Variants in UNC79 observed in about 807,000 individuals in gnomAD.
The protein encoded by UNC79 is unc-79 subunit of NALCN channel complex.
UNC79 carries 37 observed loss-of-function variants against 283.1 expected under a neutral mutation model. The observed-to-expected ratio is 0.13, with a 90% CI of 0.10 to 0.17. The LOEUF is 0.17. UNC79 is among the 10% of genes least tolerant of loss of function. UNC79 has a pLI of 1.00. For synonymous variants in UNC79, 1,107 were observed against 1,200.2 expected (o/e 0.92, Z 1.61); for missense variants, 2,272 against 3,211.1 (o/e 0.71, Z 7.07).
upstream of UNC79, among the ~76,000 whole-genome samples, chr14:93,430,022 T>G (rs765848184): frequency 6.6e-6 from 1 of 152,220 alleles, no homozygotes; most frequent in South Asian, 2.1e-4. This position sits in a 1 kb window ranked among gnomAD's most constrained non-coding sequence, Gnocchi z 4.6. Flanking sequence ...GTGGATTCTT[T>G]GGATATCTTC....
intron 11 of UNC79, among the ~76,000 whole-genome samples, chr14:93,535,429 G>T (rs2061021660): frequency 6.6e-6 from 1 of 152,204 alleles, no homozygotes; most frequent in Non-Finnish European, 1.5e-5. Context: ...ATCATATGCA[G>T]TGTATCCAGA....
chr14:93,660,846 T>TC (rs778482041), intron 39 of UNC79, among the ~76,000 whole-genome samples: 3 of 151,956 alleles, frequency 2.0e-5, no homozygotes, highest in Non-Finnish European at 4.4e-5. Flanking sequence ...AGCCTCAGCC[T>TC]CCCAAAGTGC....
chr14:93,536,700 C>T (rs1399149709), intron 11 of UNC79, among the ~76,000 whole-genome samples: 2 of 150,810 alleles, frequency 1.3e-5, no homozygotes, highest in African/African-American at 4.9e-5. Flanking sequence ...ACTTACGATT[C>T]TTAGAACCCT....
chr14:93,538,102 C>T, exon 12 of UNC79: 1 of 1,614,216 alleles, frequency 6.2e-7, no homozygotes, highest in East Asian at 2.2e-5. Context: ...CAAATCATCA[C>T]AGTAATGAAG....
rs569722418 is a variant in UNC79 at position 93,664,165 on chromosome 14, G to A, written c.6636+1451G>A. On this transcript the variant is annotated intron_variant, in intron 40 of 48. Transcript: ENST00000555664. ...AGATAATGAGAAACTATAAGAAATC[G>A]TTTAAAAATAGCAGTAGCTAATTGA... Among the ~76,000 whole-genome samples, 7 of 152,140 alleles carry A rather than the reference G, an allele frequency of 4.6e-5. No homozygotes were observed. In the South Asian group the frequency reaches 8.3e-4, roughly 18 times the overall value.
chr14:93,361,131 G>A (rs1160394037), intron 1 of UNC79, among the ~76,000 whole-genome samples: 9 of 144,870 alleles, frequency 6.2e-5, no homozygotes, highest in Non-Finnish European at 1.0e-4. Flanking sequence ...GGAGAATCAC[G>A]TGAACCTGAG....
At chr14:93,368,029 A>G (rs901522263) in intron 1 of UNC79, among the ~76,000 whole-genome samples, 1 of 152,098 alleles carries the variant, frequency 6.6e-6, no homozygotes, top group Non-Finnish European at 1.5e-5. Context: ...TCACTCCTTA[A>G]TCTTTGTTCC....
chr14:93,600,574 A>C (rs989874730), exon 25 of UNC79: 1 of 1,606,674 alleles, frequency 6.2e-7, no homozygotes. Context: ...CCCAGGGTCT[A>C]TGTCTTTGTC....
intron 12 of UNC79, among the ~76,000 whole-genome samples, chr14:93,539,597 C>T (rs962591708): frequency 1.3e-5 from 2 of 152,048 alleles, no homozygotes; most frequent in African/African-American, 4.8e-5. Flanking sequence ...TTTTCTGTTT[C>T]TCTTATCCCA....
chr14:93,676,410 G>C (rs971846160), intron 41 of UNC79, among the ~76,000 whole-genome samples: 2 of 152,170 alleles, frequency 1.3e-5, no homozygotes, highest in Non-Finnish European at 2.9e-5. Flanking sequence ...TTGGAGGAGA[G>C]GGCAGGTGAA....
At chr14:93,578,745 G>A (rs2063611044) in intron 18 of UNC79, among the ~76,000 whole-genome samples, 1 of 152,120 alleles carries the variant, frequency 6.6e-6, no homozygotes, top group Non-Finnish European at 1.5e-5. Context: ...TCAAAATCAG[G>A]AAATTAATAG....
At chr14:93,540,456 A>G (rs148426225) in intron 12 of UNC79, among the ~76,000 whole-genome samples, 50 of 152,284 alleles carry the variant, frequency 3.3e-4, no homozygotes, top group African/African-American at 1.0e-3. Context: ...ATGGGAATGG[A>G]GTATAAAATA....
intron 1 of UNC79, among the ~76,000 whole-genome samples, chr14:93,371,516 G>C (rs970207289): frequency 6.6e-6 from 1 of 151,996 alleles, no homozygotes; most frequent in African/African-American, 2.4e-5. Flanking sequence ...AACCAGTGGG[G>C]AAAAAAACTT....
rs61196248 is a variant in UNC79 at position 93,348,239 on chromosome 14, C to T, written c.-351+14716C>T. The T allele has an allele frequency of 4.3e-3, 2,791 of 654,932 alleles. 64 individuals carry two copies. In the African/African-American group the frequency reaches 0.044, roughly 10 times the overall value. 40.6% of individuals were successfully genotyped at this position (654,932 alleles called of 1,614,324 possible). ...TGCAACCATTGTGGTATTCACTTTC[C>T]TCATGTTTATGATGAATATTTTGCA... On this transcript the variant is annotated intron_variant, in intron 1 of 49. Coordinates refer to the UNC79 transcript ENST00000256339.
At chr14:93,677,783 G>A (rs2073474405) in intron 41 of UNC79, among the ~76,000 whole-genome samples, 1 of 152,132 alleles carries the variant, frequency 6.6e-6, no homozygotes, top group South Asian at 2.1e-4. Flanking sequence ...CTGAGTAGCT[G>A]GGACTACAGG....
At chr14:93,691,679 C>A in intron 45 of UNC79, 70 bp from the exon 49 acceptor site, 2 of 1,555,750 alleles carry the variant, frequency 1.3e-6, no homozygotes, top group Admixed American at 3.3e-5. Context: ...CAAAGCCATG[C>A]GGGAGGACTC....
chr14:93,333,195 A>C (rs914031781), upstream of UNC79: 3 of 398,064 alleles, frequency 7.5e-6, no homozygotes, highest in Non-Finnish European at 1.3e-5. Flanking sequence ...CGCTGGATCC[A>C]TGGGAGCGGA....
intron 1 of UNC79, among the ~76,000 whole-genome samples, chr14:93,355,416 C>T (rs535571163): frequency 1.3e-5 from 2 of 152,314 alleles, no homozygotes; most frequent in East Asian, 3.9e-4. Context: ...CCAGGCTGGT[C>T]TCGAACACTT....
intron 40 of UNC79, among the ~76,000 whole-genome samples, chr14:93,669,804 G>A (rs1027238791): frequency 5.3e-5 from 8 of 152,150 alleles, no homozygotes; most frequent in Non-Finnish European, 1.0e-4. Context: ...AGCTGTGATT[G>A]TGCCCCCGAC....
Sources: gnomAD v4.1 joint callset for allele counts (sites outside exome capture counted in the v4.1 genomes callset) on GRCh38, gnomAD v4.1.1 for gene constraint, Gnocchi (gnomAD v3.1) non-coding constraint, MANE v1.5 for transcripts, NCBI Gene and HGNC (gene_info 2026-07-23, HGNC 2026-07-21) for gene names.